Variants in SEC14L5 observed in about 807,000 individuals in gnomAD.
SEC14L5 encodes SEC14-like protein 5.
A neutral mutation model predicts 84.6 loss-of-function variants in SEC14L5; 96 were observed. That is an observed-to-expected ratio of 1.13 (90% CI 0.96 to 1.34). The LOEUF (loss-of-function observed/expected upper bound fraction) is 1.34. Among genes scored for constraint, SEC14L5 ranks in the 40% most tolerant of loss-of-function variants. The probability of loss-of-function intolerance (pLI) is 0.00; values close to 1 mark genes in which losing one functional copy is unlikely to be tolerated. For missense variants in SEC14L5, 1,224 were observed against 942.5 expected (o/e 1.30, Z -3.91); for synonymous variants, 546 against 383.4 (o/e 1.42, Z -4.95).
rs1485895922 is a variant in SEC14L5, at chr16:5,010,199, A to C, written c.1801-896A>C. On this transcript the variant is annotated intron_variant, in intron 14 of 15. Coordinates refer to ENST00000251170, the MANE Select transcript of SEC14L5 (RefSeq NM_014692.2). ...CTCTACTAAAAATACAAAAAAAAAA[A>C]AAAAAAAAAAAAAAAAAAGCGAGGT... Among the ~76,000 whole-genome samples, 11 of 98,418 alleles carry C rather than the reference A, an allele frequency of 1.1e-4. No individual in the cohort carries two copies. In the Admixed American group the frequency reaches 1.4e-3, roughly 12 times the overall value. 64.6% of individuals were successfully genotyped at this position (98,418 alleles called of 152,430 possible). A position where few individuals can be genotyped will look rare whatever the true frequency, so the allele number is the denominator to read the frequency against.
Position 5,017,763 on chromosome 16 carries a change from T to G in SEC14L5, c.*2793T>G, listed in dbSNP as rs1459680703. 2 of 152,168 alleles carry G rather than the reference T, an allele frequency of 1.3e-5. No individual in the cohort carries two copies. The highest frequency in any genetic ancestry group is 2.9e-5 in the Non-Finnish European group (2 of 68,030). The allele number at this position is 152,168 out of a possible 1,614,324, so 9.4% of individuals were successfully genotyped here. ...TGCTACGGCCGGCTCTCCTCCCATG[T>G]GGAGGTCTCGGGGACCCACGTGGAA... On this transcript the variant is annotated 3_prime_UTR_variant, in exon 16 of 16. Coordinates refer to ENST00000251170, the MANE Select transcript of SEC14L5 (RefSeq NM_014692.2).
chr16:4,998,423 C>G (rs113490144), intron 8 of SEC14L5, among the ~76,000 whole-genome samples: 3,307 of 152,114 alleles, frequency 0.022, 58 homozygotes, highest in Non-Finnish European at 0.034. Flanking sequence ...GCCTACGACA[C>G]TTTCCAATGT....
Position 5,013,550 on chromosome 16 carries a change from CTTTTTTTTTT to C in SEC14L5, c.1980-1293_1980-1284del, listed in dbSNP as rs869041446. The stretch of plus-strand genomic sequence containing the variant: ...TATAGGCATGGGCTAGCTTGCCTGG[CTTTTTTTTTT>C]TTTTTTTTTTTTTTTGGAGACAGGG... On this transcript the variant is annotated intron_variant, in intron 15 of 15. Coordinates refer to ENST00000251170, the MANE Select transcript of SEC14L5 (RefSeq NM_014692.2). 2.4e-3 allele frequency among the ~76,000 whole-genome samples: 106 copies of C among 44,968 alleles called. 2 individuals are homozygous for C. Among genetic ancestry groups the C allele is most frequent in the Admixed American group, 5.0e-3 (13 of 2,586 alleles). The allele number at this position is 44,968 out of a possible 152,430, so 29.5% of individuals were successfully genotyped here.
rs766209310 is a variant in SEC14L5 at position 4,991,921 on chromosome 16, C to T, written c.558C>T (p.Val186=). The T allele has an allele frequency of 1.9e-5, 30 of 1,606,654 alleles. No homozygotes were observed. The South Asian group carries it at 3.2e-4, about 17-fold the overall frequency. Reference sequence around the variant, plus strand: ...TTCCGCGCTGGACGCCTGCCCCAGTCCGTGAGGAGGATGCCCGCAACCAGG... The same window carrying T: ...TTCCGCGCTGGACGCCTGCCCCAGTTCGTGAGGAGGATGCCCGCAACCAGG... The part of the protein sequence containing the change: ...SHIPRWTPAP[V]REEDARNQAG... The change falls in exon 6 of 16, where the codon GTC becomes GTT. Residue 186 remains valine (V), a synonymous_variant. Transcript: ENST00000251170.
intron 4 of SEC14L5, among the ~76,000 whole-genome samples, chr16:4,989,187 CGTT>C (rs1443156769): frequency 6.6e-6 from 1 of 152,190 alleles, no homozygotes; most frequent in African/African-American, 2.4e-5. Context: ...TGCTGAGTGA[CGTT>C]GGGCCACACT....
At chr16:5,004,505 A>T (rs1442958872) in intron 11 of SEC14L5, among the ~76,000 whole-genome samples, 1 of 152,020 alleles carries the variant, frequency 6.6e-6, no homozygotes, top group Non-Finnish European at 1.5e-5. Flanking sequence ...GACCCCAAGC[A>T]CCAGTGACTG....
chr16:5,014,834 C>T (rs372880626), intron 15 of SEC14L5, 25 bp from the exon 16 acceptor site: 109 of 1,574,706 alleles, frequency 6.9e-5, no homozygotes, highest in Middle Eastern at 1.7e-4. Context: ...GAGAGGGTAA[C>T]GTGTGCCACG....
At chr16:5,004,244 A>G (rs1218697971) in intron 11 of SEC14L5, among the ~76,000 whole-genome samples, 1 of 152,148 alleles carries the variant, frequency 6.6e-6, no homozygotes, top group East Asian at 1.9e-4. Context: ...GGGGCCAGGA[A>G]GTTCTCTAGC....
At position 5,000,644 on chromosome 16, in the gene SEC14L5, C is replaced by T; in HGVS notation, c.971-11C>T. 1.2e-5 allele frequency: 18 copies of T among 1,548,832 alleles called. No individual in the cohort carries two copies. Among genetic ancestry groups the T allele is most frequent in the Non-Finnish European group, 1.6e-5 (18 of 1,144,888 alleles). On this transcript the variant is annotated splice_polypyrimidine_tract_variant and intron_variant, in intron 8 of 15. Transcript: ENST00000251170. ...ACGGGCTCTTCTTTCTGCTTGGCCCCATCCACAAAGATGGCCGCCCCCTCT... is the reference window on the plus strand; with the variant it reads ...ACGGGCTCTTCTTTCTGCTTGGCCCTATCCACAAAGATGGCCGCCCCCTCT...
chr16:5,010,475 A>G (rs553130212), intron 14 of SEC14L5, among the ~76,000 whole-genome samples: 3 of 152,274 alleles, frequency 2.0e-5, no homozygotes, highest in South Asian at 4.2e-4. Context: ...TGCAGGTGGA[A>G]TGTCACTCTC....
At position 5,018,149 on chromosome 16, in the gene SEC14L5, G is replaced by A. The variant is rs1258973650; in HGVS notation, c.*3179G>A. ...TGCCTACCTCAATAGGTTGTAGTGGGACGAAATGAGGGAGTAGCTGTAAAG... is the reference window on the plus strand; with the variant it reads ...TGCCTACCTCAATAGGTTGTAGTGGAACGAAATGAGGGAGTAGCTGTAAAG... On this transcript the variant is annotated 3_prime_UTR_variant, in exon 16 of 16. Coordinates refer to ENST00000251170, the MANE Select transcript of SEC14L5 (RefSeq NM_014692.2). The A allele has an allele frequency of 6.6e-6, 1 of 152,286 alleles. No homozygotes were observed. The highest frequency in any genetic ancestry group is 2.4e-5 in the African/African-American group (1 of 41,466). The allele number at this position is 152,286 out of a possible 1,614,324, so 9.4% of individuals were successfully genotyped here.
chr16:4,996,512 C>T (rs1165553481), intron 7 of SEC14L5, 52 bp downstream of exon 7: 2 of 943,790 alleles, frequency 2.1e-6, no homozygotes, highest in Non-Finnish European at 3.4e-6. Flanking sequence ...ATGACTGGTA[C>T]TCAGCCTCCG....
intron 4 of SEC14L5, among the ~76,000 whole-genome samples, chr16:4,989,219 G>A (rs1174542435): frequency 6.6e-6 from 1 of 152,152 alleles, no homozygotes; most frequent in Non-Finnish European, 1.5e-5. Context: ...CTGTAAAATC[G>A]GGACATTGGC....
intron 2 of SEC14L5, among the ~76,000 whole-genome samples, chr16:4,973,445 C>G (rs1279164682): frequency 7.5e-6 from 1 of 133,852 alleles, no homozygotes; most frequent in East Asian, 2.1e-4. Flanking sequence ...GCCCACTTCC[C>G]TTCATCAGCT....
rs1380773972 is a variant in SEC14L5, at chr16:5,007,423, C to T, written c.1509C>T (p.Asp503=). The stretch of plus-strand genomic sequence containing the variant: ...CAGAAGAGGAGCAGGAGCACACGGA[C>T]CAGCTGTGGCAGTGGAGTGAGACCT... The part of the protein sequence containing the change: ...YMTEEEQEHT[D]QLWQWSETYH... Residue 503 remains aspartate (D), a synonymous_variant, in exon 13 of 16, where the codon GAC becomes GAT. Coordinates refer to ENST00000251170, the MANE Select transcript of SEC14L5 (RefSeq NM_014692.2). 1.2e-6 allele frequency: 2 copies of T among 1,613,708 alleles called. No individual in the cohort carries two copies. The highest frequency in any genetic ancestry group is 1.3e-5 in the African/African-American group (1 of 74,918).
intron 6 of SEC14L5, 88 bp downstream of exon 6, chr16:4,992,118 A>G (rs980204008): frequency 6.4e-6 from 6 of 932,172 alleles, no homozygotes; most frequent in Non-Finnish European, 9.3e-6. Context: ...TGTTGGGGAG[A>G]ATTGCCTGCC....
chr16:4,982,445 TG>T (rs1477532885), intron 2 of SEC14L5, among the ~76,000 whole-genome samples: 1 of 152,160 alleles, frequency 6.6e-6, no homozygotes, highest in Non-Finnish European at 1.5e-5. Flanking sequence ...CACGGACCCT[TG>T]CCCTCCCTGA....
In SEC14L5 at chr16:5,011,857, C is replaced by T. The variant is rs182574189; in HGVS notation, c.1979+584C>T. 1.1e-3 allele frequency among the ~76,000 whole-genome samples: 173 copies of T among 152,212 alleles called. 1 individual carries two copies. Among genetic ancestry groups the T allele is most frequent in the African/African-American group, 3.8e-3 (157 of 41,532 alleles). Reference sequence around the variant, plus strand: ...GGAAGCTGCCTGTCACCTGGGCATGCGGTGTGCATGCCACAGCAGAAATGA... The same window carrying T: ...GGAAGCTGCCTGTCACCTGGGCATGTGGTGTGCATGCCACAGCAGAAATGA... On this transcript the variant is annotated intron_variant, in intron 15 of 15. Transcript: ENST00000251170.
chr16:4,990,222 G>A (rs1955538258), intron 4 of SEC14L5, among the ~76,000 whole-genome samples: 2 of 151,860 alleles, frequency 1.3e-5, no homozygotes, highest in African/African-American at 4.8e-5. Flanking sequence ...GAGTGCAGTG[G>A]CATGATCTTG....
Sources: allele counts gnomAD v4.1 joint callset (sites outside exome capture counted in the v4.1 genomes callset), GRCh38; gene constraint gnomAD v4.1.1; transcripts MANE v1.5; gene names NCBI Gene and HGNC (gene_info 2026-07-23, HGNC 2026-07-21).